Variants in ZNF695 observed in about 807,000 individuals in gnomAD.
The protein encoded by ZNF695 is zinc finger protein 695.
ZNF695 carries 11 observed loss-of-function variants against 11.2 expected under a neutral mutation model. The observed-to-expected ratio is 0.98, with a 90% CI of 0.62 to 1.62. The LOEUF is 1.62. Ranked by LOEUF, ZNF695 falls within the 40% of genes most tolerant of loss-of-function variation. ZNF695 has a pLI of 0.00. For synonymous variants in ZNF695, 190 were observed against 201.4 expected (o/e 0.94, Z 0.48); for missense variants, 559 against 590.5 (o/e 0.95, Z 0.55).
At chr1:246,964,523 G>A (rs1434529665) in intron 5 of ZNF695, among the ~76,000 whole-genome samples, 1 of 152,208 alleles carries the variant, frequency 6.6e-6, no homozygotes, top group African/African-American at 2.4e-5. Context: ...CCAAAGGACT[G>A]GAGACAAATA....
intron 5 of ZNF695, chr1:246,945,958 C>T: frequency 8.3e-7 from 1 of 1,203,460 alleles, no homozygotes; most frequent in Non-Finnish European, 1.2e-6. Flanking sequence ...TGTCCCTTGC[C>T]ATTTCAAATT....
chr1:246,978,457 A>T (rs1668622756), intron 4 of ZNF695, among the ~76,000 whole-genome samples: 2 of 152,218 alleles, frequency 1.3e-5, no homozygotes, highest in Non-Finnish European at 2.9e-5. Context: ...TGGTGCTTTA[A>T]TTTGCATGAT....
At chr1:246,982,122 T>C (rs1668724823), downstream of ZNF695, among the ~76,000 whole-genome samples, 2 of 151,702 alleles carry the variant, frequency 1.3e-5, no homozygotes, top group African/African-American at 2.4e-5. Context: ...AATACAAAAT[T>C]AGCCAGGCGT....
At chr1:247,006,749 G>C (rs1458038807) in intron 1 of ZNF695, among the ~76,000 whole-genome samples, 1 of 152,224 alleles carries the variant, frequency 6.6e-6, no homozygotes. Flanking sequence ...CAGTTAGGCT[G>C]GGGGAACAGA....
intron 3 of ZNF695, among the ~76,000 whole-genome samples, chr1:246,990,792 G>C (rs1270507592): frequency 6.6e-6 from 1 of 152,006 alleles, no homozygotes; most frequent in African/African-American, 2.4e-5. Context: ...AATAAAACTA[G>C]AATGAAAAGA....
chr1:246,948,285 G>A (rs1157924444), intron 5 of ZNF695, among the ~76,000 whole-genome samples: 3 of 151,656 alleles, frequency 2.0e-5, no homozygotes, highest in African/African-American at 4.8e-5. Context: ...TGTTGGCCAG[G>A]CTGGTCTTGA....
At position 247,001,325 on chromosome 1, in the gene ZNF695, G is replaced by T. The variant is rs556336675; in HGVS notation, c.4-1251C>A. Among the ~76,000 whole-genome samples the T allele has an allele frequency of 2.0e-5, 3 of 152,142 alleles. No homozygotes were observed. The South Asian group carries it at 6.2e-4, about 32-fold the overall frequency. On this transcript the variant is annotated intron_variant, in intron 1 of 3. Transcript: ENST00000339986. ...TAATGCCTGTAATCAGCACTGGGAGGCCAAAGTGGGAGACTCACTTGAACC... is the reference window on the plus strand; with the variant it reads ...TAATGCCTGTAATCAGCACTGGGAGTCCAAAGTGGGAGACTCACTTGAACC...
At chr1:246,992,012 C>T (rs1669051242) in intron 3 of ZNF695, among the ~76,000 whole-genome samples, 1 of 151,860 alleles carries the variant, frequency 6.6e-6, no homozygotes, top group Non-Finnish European at 1.5e-5. Flanking sequence ...TGGCTAACAA[C>T]GTGTAGCCGG....
intron 5 of ZNF695, among the ~76,000 whole-genome samples, chr1:246,953,292 C>T (rs1181001660): frequency 6.6e-6 from 1 of 152,206 alleles, no homozygotes; most frequent in African/African-American, 2.4e-5. Context: ...ATGCTGATTG[C>T]TTATTTTCAG....
intron 3 of ZNF695, among the ~76,000 whole-genome samples, chr1:246,991,970 C>A (rs1244837429): frequency 6.6e-6 from 1 of 151,890 alleles, no homozygotes; most frequent in African/African-American, 2.4e-5. Flanking sequence ...CCGAGGTGGG[C>A]AGATCACAAG....
intron 5 of ZNF695, among the ~76,000 whole-genome samples, chr1:246,959,310 A>AAAAAATAAAT (rs1558304450): frequency 2.0e-5 from 1 of 51,252 alleles, no homozygotes; most frequent in Non-Finnish European, 3.2e-5. Context: ...AAAAAAAAAA[A>AAAAAATAAAT]ATATATATAT....
At chr1:246,975,635 T>C (rs79177861) in intron 4 of ZNF695, among the ~76,000 whole-genome samples, 1,942 of 152,292 alleles carry the variant, frequency 0.013, 35 homozygotes, top group African/African-American at 0.044. Flanking sequence ...GAGTTTGGCA[T>C]GCAAATGCTG....
chr1:246,982,896 G>A (rs900142675), downstream of ZNF695, among the ~76,000 whole-genome samples: 17 of 150,620 alleles, frequency 1.1e-4, no homozygotes, highest in African/African-American at 3.9e-4. Flanking sequence ...TATCAATGGT[G>A]TCTTTTATTT....
chr1:246,975,002 T>G (rs1181988309), intron 4 of ZNF695, among the ~76,000 whole-genome samples: 2 of 152,230 alleles, frequency 1.3e-5, no homozygotes, highest in Non-Finnish European at 2.9e-5. Context: ...AGAGAGTTCT[T>G]CCCTTCCGAG....
intron 5 of ZNF695, among the ~76,000 whole-genome samples, chr1:246,958,110 G>C (rs1381408827): frequency 5.3e-5 from 8 of 151,464 alleles, no homozygotes; most frequent in Non-Finnish European, 8.8e-5. Context: ...CCAGGCTGGA[G>C]TGCAGTGGCG....
In ZNF695 at chr1:246,986,199, G is replaced by T; in HGVS notation, c.*768C>A. Reference sequence around the variant, plus strand: ...TCCTCCCACCTGAGCCTTCCAAGTAGCTGGGACAACAGGCATGTGCCACCA... The same window carrying T: ...TCCTCCCACCTGAGCCTTCCAAGTATCTGGGACAACAGGCATGTGCCACCA... On this transcript the variant is annotated 3_prime_UTR_variant, in exon 4 of 4. Coordinates refer to ENST00000339986, the MANE Select transcript of ZNF695 (RefSeq NM_020394.5). The T allele has an allele frequency of 2.0e-6, 1 of 498,588 alleles. No homozygotes were observed. The highest frequency in any genetic ancestry group is 8.7e-5 in the South Asian group (1 of 11,510). The allele number at this position is 498,588 out of a possible 1,614,324, so 30.9% of individuals were successfully genotyped here.
intron 3 of ZNF695, among the ~76,000 whole-genome samples, 199 bp downstream of exon 3, chr1:246,999,149 G>T (rs1669289290): frequency 6.6e-6 from 1 of 152,072 alleles, no homozygotes; most frequent in Admixed American, 6.6e-5. Context: ...GAAGGAAAAT[G>T]ACTGAAGGGA....
At chr1:246,972,935 A>G (rs866652497) in intron 4 of ZNF695, among the ~76,000 whole-genome samples, 3,966 of 135,902 alleles carry the variant, frequency 0.029, 186 homozygotes, top group African/African-American at 0.13. Context: ...TAATGTGTAT[A>G]TATATATATA....
chr1:246,974,353 A>T (rs1181593762), intron 4 of ZNF695, among the ~76,000 whole-genome samples: 1 of 152,182 alleles, frequency 6.6e-6, no homozygotes, highest in Non-Finnish European at 1.5e-5. Context: ...CTGGTCTAGG[A>T]TTCAAAATAC....
Sources: allele counts gnomAD v4.1 joint callset (sites outside exome capture counted in the v4.1 genomes callset), GRCh38; gene constraint gnomAD v4.1.1; transcripts MANE v1.5; gene names NCBI Gene and HGNC (gene_info 2026-07-23, HGNC 2026-07-21).